KIAA0319L: variants seen among roughly 807,000 people sequenced by gnomAD.
KIAA0319L encodes dyslexia-associated protein KIAA0319-like protein.
A neutral mutation model predicts 120.1 loss-of-function variants in KIAA0319L; 55 were observed. The observed-to-expected ratio is 0.46, with a 90% CI of 0.37 to 0.57. The LOEUF (loss-of-function observed/expected upper bound fraction) is 0.57. Ranked by LOEUF, KIAA0319L falls within the 20% of genes least tolerant of loss-of-function variation. The probability of loss-of-function intolerance (pLI) is 0.00; values close to 1 mark genes in which losing one functional copy is unlikely to be tolerated. For missense variants in KIAA0319L, 1,049 were observed against 1,255.3 expected (o/e 0.84, Z 2.48); for synonymous variants, 398 against 471.9 (o/e 0.84, Z 2.03).
intron 10 of KIAA0319L, 77 bp from the exon 11 acceptor site, chr1:35,454,562 C>A (rs1310395044): frequency 4.4e-6 from 7 of 1,579,502 alleles, no homozygotes; most frequent in Non-Finnish European, 6.0e-6. Flanking sequence ...CTGGTAAAAA[C>A]GATTTAGTTT....
chr1:35,448,509 T>C (rs1641809274), intron 15 of KIAA0319L, among the ~76,000 whole-genome samples, 177 bp from the exon 16 acceptor site: 3 of 152,182 alleles, frequency 2.0e-5, no homozygotes. Context: ...TTAGAAAGCT[T>C]CTAAAGCACT....
chr1:35,513,290 T>TA lies in KIAA0319L; in HGVS notation c.143-6156_143-6155insT, dbSNP rs1558545634. 7.6e-3 allele frequency among the ~76,000 whole-genome samples: 555 copies of TA among 73,002 alleles called. 2 individuals are homozygous for TA. The highest frequency in any genetic ancestry group is 0.029 in the East Asian group (70 of 2,396). 47.9% of individuals were successfully genotyped at this position (73,002 alleles called of 152,430 possible). A position where few individuals can be genotyped will look rare whatever the true frequency, so the allele number is the denominator to read the frequency against. ...AACATATATATATATATATATATAT[T>TA]TTTTTTTTTTTTTTTTTCTGTCCAG... On this transcript the variant is annotated intron_variant, in intron 2 of 20. Transcript: ENST00000325722.
intron 4 of KIAA0319L, among the ~76,000 whole-genome samples, chr1:35,477,203 C>G (rs1643925575): frequency 6.6e-6 from 1 of 152,034 alleles, no homozygotes; most frequent in African/African-American, 2.4e-5. Context: ...GGATTAATAA[C>G]CAGAATATAT....
intron 3 of KIAA0319L, among the ~76,000 whole-genome samples, chr1:35,501,634 T>C (rs992204070): frequency 6.6e-6 from 1 of 152,100 alleles, no homozygotes; most frequent in Non-Finnish European, 1.5e-5. Context: ...ACCAGCACTT[T>C]GGGAGGCCGA....
At chr1:35,458,894 C>G (rs1188191577) in intron 9 of KIAA0319L, among the ~76,000 whole-genome samples, 1 of 151,746 alleles carries the variant, frequency 6.6e-6, no homozygotes, top group Non-Finnish European at 1.5e-5. Context: ...AGGCTCCAAT[C>G]TTGTTGTACT....
rs1645388940 is a variant in KIAA0319L at position 35,510,478 on chromosome 1, G to C, written c.143-3343C>G. 3.3e-5 allele frequency: 5 copies of C among 151,190 alleles called. 1 individual carries two copies. In the South Asian group the frequency reaches 1.0e-3, roughly 32 times the overall value. The allele number at this position is 151,190 out of a possible 1,614,324, so 9.4% of individuals were successfully genotyped here. A position where few individuals can be genotyped will look rare whatever the true frequency, so the allele number is the denominator to read the frequency against. Reference sequence around the variant, plus strand: ...AAAACTGTCCTTTCAAGTCATCAGAGAATTCATACAGTCAGGAACTCTACA... The same window carrying C: ...AAAACTGTCCTTTCAAGTCATCAGACAATTCATACAGTCAGGAACTCTACA... On this transcript the variant is annotated intron_variant, in intron 2 of 20. Transcript: ENST00000325722.
intron 2 of KIAA0319L, among the ~76,000 whole-genome samples, chr1:35,553,199 C>T (rs2148520353): frequency 6.6e-6 from 1 of 152,180 alleles, no homozygotes; most frequent in Non-Finnish European, 1.5e-5. Flanking sequence ...CCATCGCACT[C>T]CAGCCTGGGT....
At chr1:35,516,262 G>A (rs1645677137) in intron 2 of KIAA0319L, among the ~76,000 whole-genome samples, 3 of 152,110 alleles carry the variant, frequency 2.0e-5, no homozygotes, top group Non-Finnish European at 2.9e-5. Context: ...GAAAACTTCA[G>A]GCCAATATCC....
intron 7 of KIAA0319L, among the ~76,000 whole-genome samples, chr1:35,465,683 T>C (rs1166210421): frequency 1.3e-5 from 2 of 152,122 alleles, no homozygotes; most frequent in South Asian, 2.1e-4. Flanking sequence ...TGGAATGATA[T>C]GGTTTGGCTG....
rs756400694 is a variant in KIAA0319L, at chr1:35,449,973, G to C, written c.2247C>G (p.Ile749Met). Residue 749 changes from isoleucine to methionine, a missense_variant, in exon 15 of 21, where the codon ATC becomes ATG. Transcript: ENST00000325722. The part of the protein sequence containing the change: ...EVLNHSDHHP[I>M]LFLSNLVEGT... ...CCTCAACCAGGTTTGAAAGAAAAAG[G>C]ATAGGGTGATGGTCAGAGTGATTTA... 4 of 1,614,046 alleles carry C rather than the reference G, an allele frequency of 2.5e-6. No individual in the cohort carries two copies. In the Admixed American group the frequency reaches 6.7e-5, roughly 27 times the overall value.
At chr1:35,539,214 CAA>C (rs1394136560) in intron 2 of KIAA0319L, among the ~76,000 whole-genome samples, 3 of 152,162 alleles carry the variant, frequency 2.0e-5, no homozygotes, top group African/African-American at 7.2e-5. Flanking sequence ...ACATGAAATA[CAA>C]AAGAGTGGAG....
At chr1:35,554,220 G>T in intron 2 of KIAA0319L, 130 bp downstream of exon 2, 1 of 594,014 alleles carries the variant, frequency 1.7e-6, no homozygotes. Flanking sequence ...GTCACCAAAA[G>T]GATGACCATT....
At chr1:35,469,984 T>C (rs1305549389) in intron 6 of KIAA0319L, among the ~76,000 whole-genome samples, 1 of 151,892 alleles carries the variant, frequency 6.6e-6, no homozygotes. Context: ...TCCTCCCACC[T>C]CCGCCTCCTG....
At chr1:35,487,781 C>T (rs1043493770) in intron 3 of KIAA0319L, among the ~76,000 whole-genome samples, 4 of 152,192 alleles carry the variant, frequency 2.6e-5, no homozygotes, top group African/African-American at 7.2e-5. Context: ...AGCAAACTTA[C>T]GAAGTTCACC....
At chr1:35,481,887 C>T (rs1041187406) in intron 3 of KIAA0319L, among the ~76,000 whole-genome samples, 13 of 135,208 alleles carry the variant, frequency 9.6e-5, no homozygotes, top group South Asian at 2.4e-4. Flanking sequence ...TGCAGTGGCG[C>T]GATCTCGGCT....
chr1:35,516,500 T>C (rs1238464895), intron 2 of KIAA0319L, among the ~76,000 whole-genome samples: 1 of 152,022 alleles, frequency 6.6e-6, no homozygotes. Flanking sequence ...AAATTCAACA[T>C]CCCTTCATGT....
intron 2 of KIAA0319L, among the ~76,000 whole-genome samples, chr1:35,547,621 G>A (rs560679913): frequency 6.6e-6 from 1 of 152,294 alleles, no homozygotes; most frequent in South Asian, 2.1e-4. Flanking sequence ...TATGCTAAAT[G>A]AAATAAGCCA....
Position 35,474,893 on chromosome 1 carries a change from C to T in KIAA0319L, c.927G>A (p.Leu309=), listed in dbSNP as rs1643847996. 6.3e-7 allele frequency: 1 copy of T among 1,595,364 alleles called. No homozygotes were observed. The highest frequency in any genetic ancestry group is 1.7e-5 in the Admixed American group (1 of 59,488). ...TSAPYPVIKE[L]VVSAGESVQI... ...GGACACTCTCTCCAGCAGATACCAC[C>T]AGTTCCTTTATAACTGGAAACAAAG... The change falls in exon 5 of 21, where the codon CTG becomes CTA. Residue 309 remains leucine, a synonymous_variant. Transcript: ENST00000325722.
intron 2 of KIAA0319L, among the ~76,000 whole-genome samples, chr1:35,514,377 C>A (rs7530330): frequency 0.25 from 36,524 of 146,018 alleles, 9,396 homozygotes; most frequent in East Asian, 0.77. Context: ...AAAAAAAAAA[C>A]AAAACTTACA....
Sources: allele counts gnomAD v4.1 joint callset (sites outside exome capture counted in the v4.1 genomes callset), GRCh38; gene constraint gnomAD v4.1.1; transcripts MANE v1.5; gene names NCBI Gene and HGNC (gene_info 2026-07-23, HGNC 2026-07-21).